CNTN5: variants seen among roughly 807,000 people sequenced by gnomAD.
The protein encoded by CNTN5 is contactin-5.
A neutral mutation model predicts 129.1 loss-of-function variants in CNTN5; 77 were observed. The ratio of observed to expected loss-of-function variants is 0.60; its 90% CI spans 0.50 to 0.72. The LOEUF (loss-of-function observed/expected upper bound fraction) is 0.72. Ranked by LOEUF, CNTN5 falls within the 30% of genes least tolerant of loss-of-function variation. The pLI is 0.00. For synonymous variants in CNTN5, 509 were observed against 465.6 expected (o/e 1.09, Z -1.20); for missense variants, 1,478 against 1,328.8 (o/e 1.11, Z -1.75).
chr11:99,289,674 G>A (rs1864086585), intron 1 of CNTN5, among the ~76,000 whole-genome samples: 1 of 151,704 alleles, frequency 6.6e-6, no homozygotes, highest in Non-Finnish European at 1.5e-5. Flanking sequence ...TAATCTTTCA[G>A]ACCCATTTTT....
intron 3 of CNTN5, among the ~76,000 whole-genome samples, chr11:99,619,670 TC>T: frequency 6.6e-6 from 1 of 152,292 alleles, no homozygotes; most frequent in South Asian, 2.1e-4. Context: ...AGTTGGTTTT[TC>T]TTTAGAGTGA....
chr11:99,766,845 G>T (rs1283589823), intron 3 of CNTN5, among the ~76,000 whole-genome samples: 1 of 151,540 alleles, frequency 6.6e-6, no homozygotes, highest in African/African-American at 2.4e-5. Flanking sequence ...ACTTGACTGG[G>T]AAAAAAAAGA....
intron 3 of CNTN5, among the ~76,000 whole-genome samples, chr11:99,760,837 A>G (rs1944554977): frequency 6.6e-6 from 1 of 152,102 alleles, no homozygotes; most frequent in African/African-American, 2.4e-5. Context: ...TATTACACAC[A>G]CACACAGAGG....
chr11:99,808,402 G>T (rs2135507985), intron 3 of CNTN5, among the ~76,000 whole-genome samples: 1 of 152,188 alleles, frequency 6.6e-6, no homozygotes, highest in Admixed American at 6.6e-5. Flanking sequence ...ACTTTTACAG[G>T]TATTTAATCT....
At chr11:99,150,723 T>C (rs1164286526) in intron 1 of CNTN5, among the ~76,000 whole-genome samples, 1 of 152,038 alleles carries the variant, frequency 6.6e-6, no homozygotes, top group Non-Finnish European at 1.5e-5. Flanking sequence ...AGCAGTCGTA[T>C]TCAATTCTAT....
chr11:99,840,983 G>A (rs967767056), intron 4 of CNTN5, among the ~76,000 whole-genome samples: 5 of 152,038 alleles, frequency 3.3e-5, no homozygotes, highest in African/African-American at 1.2e-4. Flanking sequence ...ATCTTTGCTG[G>A]GGACTGGGAA....
intron 8 of CNTN5, among the ~76,000 whole-genome samples, chr11:99,995,607 A>G (rs993963842): frequency 1.3e-5 from 2 of 152,072 alleles, no homozygotes; most frequent in African/African-American, 2.4e-5. Flanking sequence ...TTCCACATAC[A>G]TATGCAAAAT....
intron 2 of CNTN5, among the ~76,000 whole-genome samples, chr11:99,386,507 C>T (rs1313474811): frequency 6.6e-6 from 1 of 151,846 alleles, no homozygotes; most frequent in African/African-American, 2.4e-5. Context: ...GGGAGTGTAG[C>T]AGTGAGGATG....
At chr11:99,269,597 G>T (rs911782321) in intron 1 of CNTN5, among the ~76,000 whole-genome samples, 1 of 151,846 alleles carries the variant, frequency 6.6e-6, no homozygotes, top group African/African-American at 2.4e-5. Flanking sequence ...GTCAATGTAA[G>T]GTCTTCCTTC....
At chr11:99,194,437 A>C (rs1264086297) in intron 1 of CNTN5, among the ~76,000 whole-genome samples, 1 of 152,156 alleles carries the variant, frequency 6.6e-6, no homozygotes, top group Non-Finnish European at 1.5e-5. Context: ...AAAAGAAAAC[A>C]ATGAAATATT....
chr11:100,039,006 T>A (rs1211505261), intron 9 of CNTN5, among the ~76,000 whole-genome samples: 1 of 152,178 alleles, frequency 6.6e-6, no homozygotes, highest in Non-Finnish European at 1.5e-5. Flanking sequence ...TTTGATCCTG[T>A]CATTATGGTG....
intron 1 of CNTN5, among the ~76,000 whole-genome samples, chr11:99,129,329 T>C (rs1329696284): frequency 1.3e-5 from 2 of 152,120 alleles, no homozygotes; most frequent in African/African-American, 4.8e-5. Context: ...AATAGCTGAA[T>C]TGACCAGGCA....
intron 17 of CNTN5, among the ~76,000 whole-genome samples, chr11:100,258,581 G>A (rs1050281913): frequency 6.6e-6 from 1 of 152,188 alleles, no homozygotes; most frequent in Non-Finnish European, 1.5e-5. Flanking sequence ...CAGACTAACA[G>A]TGGATCTCTC....
chr11:99,788,184 G>A (rs966405705), intron 3 of CNTN5, among the ~76,000 whole-genome samples: 3 of 151,862 alleles, frequency 2.0e-5, no homozygotes, highest in Non-Finnish European at 4.4e-5. Context: ...TTTCCGTGAT[G>A]TTACCTATTT....
chr11:99,452,689 C>G (rs1944353012), intron 2 of CNTN5, among the ~76,000 whole-genome samples: 1 of 151,954 alleles, frequency 6.6e-6, no homozygotes, highest in Non-Finnish European at 1.5e-5. Context: ...TTAAAATAAT[C>G]ACCAGTTTGT....
rs190705818 is a variant in CNTN5, at chr11:100,287,822, A to G, written c.2315-9803A>G. Among the ~76,000 whole-genome samples the G allele has an allele frequency of 1.6e-3, 244 of 152,338 alleles. 2 individuals are homozygous for G. The highest frequency in any genetic ancestry group is 5.5e-3 in the African/African-American group (227 of 41,578). ...AAAGACACAGACTGGCAAATTAGATAAAGAGTCAAGACCCATCAGTGTGCT... is the reference window on the plus strand; with the variant it reads ...AAAGACACAGACTGGCAAATTAGATGAAGAGTCAAGACCCATCAGTGTGCT... On this transcript the variant is annotated intron_variant, in intron 18 of 24. Coordinates refer to ENST00000524871, the MANE Select transcript of CNTN5 (RefSeq NM_014361.4).
chr11:100,273,017 G>A (rs1454096827), intron 18 of CNTN5, among the ~76,000 whole-genome samples: 2 of 152,214 alleles, frequency 1.3e-5, no homozygotes, highest in East Asian at 3.9e-4. Context: ...TTAGCCCTAG[G>A]GGAACTTTCT....
chr11:99,746,992 A>C (rs545267378), intron 3 of CNTN5, among the ~76,000 whole-genome samples: 1 of 152,286 alleles, frequency 6.6e-6, no homozygotes, highest in South Asian at 2.1e-4. Flanking sequence ...ATTGCATTGA[A>C]TCTGTAGATA....
chr11:99,950,454 C>G (rs1309177224), intron 7 of CNTN5, among the ~76,000 whole-genome samples: 1 of 152,158 alleles, frequency 6.6e-6, no homozygotes, highest in Non-Finnish European at 1.5e-5. Flanking sequence ...GCACTCCAGC[C>G]TGGGTGACAG....
Sources: allele counts gnomAD v4.1 joint callset (sites outside exome capture counted in the v4.1 genomes callset), GRCh38; gene constraint gnomAD v4.1.1; transcripts MANE v1.5; gene names NCBI Gene and HGNC (gene_info 2026-07-23, HGNC 2026-07-21).